Variants in CSMD2 observed in about 807,000 individuals in gnomAD.
The protein encoded by CSMD2 is CUB and sushi domain-containing protein 2.
In CSMD2, 130 loss-of-function variants were observed where a neutral mutation model predicts 398.5. The observed-to-expected ratio is 0.33, with a 90% CI of 0.28 to 0.38. The LOEUF is 0.38. CSMD2 is among the 10% of genes least tolerant of loss of function. CSMD2 has a pLI of 1.00. For missense variants in CSMD2, 3,829 were observed against 4,764.9 expected, an observed-to-expected ratio of 0.80 and a Z score of 5.78; for synonymous variants, 1,828 against 1,908.5, an observed-to-expected ratio of 0.96 and a Z score of 1.10.
intron 2 of CSMD2, among the ~76,000 whole-genome samples, chr1:34,049,475 C>T (rs1652929549): frequency 6.6e-6 from 1 of 152,130 alleles, no homozygotes; most frequent in Non-Finnish European, 1.5e-5. Flanking sequence ...TGCTTTTCTG[C>T]CTGGACCCTT....
At chr1:33,829,804 C>T (rs967637603) in intron 6 of CSMD2, among the ~76,000 whole-genome samples, 4 of 151,956 alleles carry the variant, frequency 2.6e-5, no homozygotes, top group Admixed American at 6.6e-5. Flanking sequence ...CACTCCCACC[C>T]GAATACTGCG....
At chr1:33,806,135 G>A (rs766441566) in intron 10 of CSMD2, among the ~76,000 whole-genome samples, 1 of 152,120 alleles carries the variant, frequency 6.6e-6, no homozygotes, top group Non-Finnish European at 1.5e-5. Context: ...TGAAAGAGTT[G>A]GGTTAGTTAA....
chr1:33,617,635 A>G lies in CSMD2; in HGVS notation c.5828-18T>C. ...GCCCACCGCTAGACAAGACAGAGAC[A>G]GAAGGAAAGGAGAATGGACTAGCCC... On this transcript the variant is annotated intron_variant, in intron 37 of 70. Transcript: ENST00000373381. 1 of 1,597,796 alleles carries G rather than the reference A, an allele frequency of 6.3e-7. No individual in the cohort carries two copies. The highest frequency in any genetic ancestry group is 8.6e-7 in the Non-Finnish European group (1 of 1,165,320).
chr1:33,813,123 T>C (rs1657044498), intron 9 of CSMD2: 1 of 152,220 alleles, frequency 6.6e-6, no homozygotes. Context: ...AGCTTCAGAA[T>C]CAATTTATCT....
chr1:34,165,599 A>AACACAC (rs113072230), upstream of CSMD2: 4 of 637,072 alleles, frequency 6.3e-6, no homozygotes, highest in South Asian at 2.0e-5. Context: ...CACACACACA[A>AACACAC]ACACACACAC....
intron 1 of CSMD2, among the ~76,000 whole-genome samples, chr1:34,135,201 G>T (rs1638590982): frequency 6.9e-6 from 1 of 145,802 alleles, no homozygotes; most frequent in Admixed American, 6.8e-5. Context: ...ATCCTTTGAG[G>T]CAACAAATCC....
At chr1:34,162,859 TA>T (rs200180859) in intron 1 of CSMD2, among the ~76,000 whole-genome samples, 9 of 151,952 alleles carry the variant, frequency 5.9e-5, no homozygotes, top group Non-Finnish European at 1.0e-4. Context: ...AACTCCGTCT[TA>T]AAAAAAATTT....
At chr1:34,019,061 T>C (rs914751678) in intron 3 of CSMD2, among the ~76,000 whole-genome samples, 3 of 152,194 alleles carry the variant, frequency 2.0e-5, no homozygotes, top group African/African-American at 7.2e-5. Context: ...GCAAGTTACT[T>C]AACTTTCAGT....
chr1:33,908,243 G>A (rs982351460), intron 5 of CSMD2, among the ~76,000 whole-genome samples: 2 of 152,200 alleles, frequency 1.3e-5, no homozygotes, highest in African/African-American at 4.8e-5. Context: ...TAAGCTGAGA[G>A]TGAGTGGAAC....
At chr1:33,754,782 G>A (rs1197760327) in intron 13 of CSMD2, among the ~76,000 whole-genome samples, 1 of 152,058 alleles carries the variant, frequency 6.6e-6, no homozygotes, top group African/African-American at 2.4e-5. Context: ...ATTGTTTTTT[G>A]ATGGGAGAAA....
chr1:33,919,566 T>C (rs1039837169), intron 4 of CSMD2, among the ~76,000 whole-genome samples: 1 of 152,108 alleles, frequency 6.6e-6, no homozygotes, highest in African/African-American at 2.4e-5. Context: ...TCTCCCAGAG[T>C]AGGTGCTTAT....
At chr1:34,144,102 T>C (rs1381192224) in intron 1 of CSMD2, among the ~76,000 whole-genome samples, 2 of 152,144 alleles carry the variant, frequency 1.3e-5, no homozygotes, top group African/African-American at 4.8e-5. Flanking sequence ...TCAGTCTGGA[T>C]AACAGCTTTG....
At chr1:33,649,667 A>G (rs963860630) in intron 28 of CSMD2, among the ~76,000 whole-genome samples, 20 of 152,156 alleles carry the variant, frequency 1.3e-4, no homozygotes, top group Non-Finnish European at 2.8e-4. Flanking sequence ...AACAAAAACA[A>G]TATAATGAAA....
intron 1 of CSMD2, among the ~76,000 whole-genome samples, chr1:34,130,192 A>G (rs1663192303): frequency 6.6e-6 from 1 of 152,076 alleles, no homozygotes; most frequent in South Asian, 2.1e-4. Flanking sequence ...GACAGACAGT[A>G]AACAAGTAAA....
chr1:34,152,983 G>T (rs1640467151), intron 1 of CSMD2, among the ~76,000 whole-genome samples: 1 of 152,154 alleles, frequency 6.6e-6, no homozygotes, highest in African/African-American at 2.4e-5. Context: ...GCATATGGTA[G>T]GTATTTATTT....
rs3045848 is a variant in CSMD2, at chr1:33,950,383, CAGAGAGAGAGAG to C, written c.518-14441_518-14430del. ...ATGGCTCTCCTTATTTCTCCTCCAG[CAGAGAGAGAGAG>C]AGAGAGAGAGAGAGAGAGAGAGAGA... On this transcript the variant is annotated intron_variant, in intron 3 of 70. Coordinates refer to ENST00000373381, the MANE Select transcript of CSMD2 (RefSeq NM_001281956.2). Among the ~76,000 whole-genome samples the C allele has an allele frequency of 7.6e-3, 1,023 of 133,888 alleles. 6 individuals are homozygous for C. Among genetic ancestry groups the C allele is most frequent in the African/African-American group, 0.018 (625 of 34,182 alleles). The allele number at this position is 133,888 out of a possible 152,430, so 87.8% of individuals were successfully genotyped here.
intron 1 of CSMD2, among the ~76,000 whole-genome samples, chr1:34,131,266 A>C (rs965334714): frequency 2.0e-5 from 3 of 152,238 alleles, no homozygotes; most frequent in African/African-American, 7.2e-5. Flanking sequence ...AGAGCCAGCC[A>C]ATAGTGAAAG....
At chr1:33,522,575 T>C (rs1654411085) in intron 67 of CSMD2, among the ~76,000 whole-genome samples, 1 of 152,186 alleles carries the variant, frequency 6.6e-6, no homozygotes, top group Non-Finnish European at 1.5e-5. Context: ...CAAAGTCAAC[T>C]ATGCCACAGT....
At chr1:33,570,614 T>C (rs754873393) in intron 51 of CSMD2, among the ~76,000 whole-genome samples, 7 of 152,198 alleles carry the variant, frequency 4.6e-5, no homozygotes, top group Non-Finnish European at 5.9e-5. Flanking sequence ...CCTATCGTAG[T>C]GCATGCTGCG....
Sources: allele counts gnomAD v4.1 joint callset (sites outside exome capture counted in the v4.1 genomes callset), GRCh38; gene constraint gnomAD v4.1.1; transcripts MANE v1.5; gene names NCBI Gene and HGNC (gene_info 2026-07-23, HGNC 2026-07-21).